The following MIR2052HG variants were observed in gnomAD, a reference collection of about 807,000 sequenced individuals.
MIR2052HG encodes the protein MIR2052 host gene.
chr8:74,753,727 A>G (rs115459619), intron 5 of MIR2052HG, among the ~76,000 whole-genome samples: 1,941 of 152,256 alleles, frequency 0.013, 32 homozygotes, highest in African/African-American at 0.045. Flanking sequence ...TCATTCAATC[A>G]TCTCCCATGC....
intron 4 of MIR2052HG, among the ~76,000 whole-genome samples, chr8:74,727,919 G>T (rs996726107): frequency 1.3e-5 from 2 of 150,676 alleles, no homozygotes; most frequent in African/African-American, 2.5e-5. Flanking sequence ...GTTGTACCCG[G>T]AGTTCATTGT....
intron 2 of MIR2052HG, among the ~76,000 whole-genome samples, chr8:74,637,272 G>C (rs528442470): frequency 1.3e-5 from 2 of 152,254 alleles, no homozygotes; most frequent in African/African-American, 4.8e-5. Flanking sequence ...CTGGGACTTA[G>C]GGTGTACATG....
chr8:74,626,676 A>T (rs1808440773), intron 2 of MIR2052HG, among the ~76,000 whole-genome samples: 1 of 152,200 alleles, frequency 6.6e-6, no homozygotes, highest in South Asian at 2.1e-4. Context: ...CATTGTCAGC[A>T]TCTGCACCCA....
intron 2 of MIR2052HG, among the ~76,000 whole-genome samples, chr8:74,647,636 T>C (rs1377440984): frequency 6.6e-6 from 1 of 152,214 alleles, no homozygotes; most frequent in Non-Finnish European, 1.5e-5. Flanking sequence ...AATTCTAAGT[T>C]AGCAACCTGA....
intron 1 of MIR2052HG, among the ~76,000 whole-genome samples, chr8:74,602,861 CTTTCTTTCTTTCTTT>C (rs1808035866): frequency 6.9e-6 from 1 of 144,396 alleles, no homozygotes; most frequent in African/African-American, 2.6e-5. Context: ...TTCTTTCTTT[CTTTCTTTCTTTCTTT>C]TTTCTATTCA....
At chr8:74,732,417 A>T (rs1809701827) in intron 4 of MIR2052HG, among the ~76,000 whole-genome samples, 1 of 152,196 alleles carries the variant, frequency 6.6e-6, no homozygotes, top group Non-Finnish European at 1.5e-5. Flanking sequence ...GGTAGATATT[A>T]TGCTGAACAT....
intron 2 of MIR2052HG, among the ~76,000 whole-genome samples, chr8:74,691,405 C>A (rs939262953): frequency 1.3e-5 from 2 of 152,176 alleles, no homozygotes; most frequent in Non-Finnish European, 1.5e-5. Flanking sequence ...GCTAGGAAGA[C>A]CTTTCAGAGG....
In MIR2052HG at chr8:74,661,980, A is replaced by G. The variant is rs190561853; in HGVS notation, n.217-40399A>G. Among the ~76,000 whole-genome samples the G allele has an allele frequency of 1.4e-3, 212 of 152,362 alleles. 1 individual carries two copies. Among genetic ancestry groups the G allele is most frequent in the Admixed American group, 2.2e-3 (34 of 15,312 alleles). On this transcript the variant is annotated intron_variant and non_coding_transcript_variant, in intron 2 of 6. Coordinates refer to ENST00000523442, the Ensembl canonical transcript of MIR2052HG. ...GGCAAACATTACCAGTGACAAAAATATAGGTTTATCTATCATAGCACTAAA... is the reference window on the plus strand; with the variant it reads ...GGCAAACATTACCAGTGACAAAAATGTAGGTTTATCTATCATAGCACTAAA...
At chr8:74,748,995 TAATTTTTAA>T (rs917385064) in intron 4 of MIR2052HG, among the ~76,000 whole-genome samples, 10 of 152,322 alleles carry the variant, frequency 6.6e-5, no homozygotes, top group Non-Finnish European at 1.5e-4. Flanking sequence ...CCTGGGAAGA[TAATTTTTAA>T]AACTTTGCAT....
chr8:74,645,388 C>A (rs1287010309), intron 2 of MIR2052HG, among the ~76,000 whole-genome samples: 1 of 151,954 alleles, frequency 6.6e-6, no homozygotes, highest in Non-Finnish European at 1.5e-5. Flanking sequence ...CAGGTTCAAG[C>A]AATTCTCCTG....
chr8:74,703,736 C>T, intron 4 of MIR2052HG: 2 of 425,320 alleles, frequency 4.7e-6, no homozygotes, highest in South Asian at 3.5e-5. Context: ...GGATGAAAGT[C>T]AAGTGATCTC....
chr8:74,661,319 C>T (rs1360010469), intron 2 of MIR2052HG, among the ~76,000 whole-genome samples: 1 of 151,834 alleles, frequency 6.6e-6, no homozygotes, highest in Non-Finnish European at 1.5e-5. Flanking sequence ...TCTCCTGCCT[C>T]AGCCTCCCGA....
chr8:74,704,831 T>C (rs765436516), intron 4 of MIR2052HG, among the ~76,000 whole-genome samples: 2 of 152,118 alleles, frequency 1.3e-5, no homozygotes, highest in Non-Finnish European at 2.9e-5. Context: ...AAAATACATA[T>C]TGGCAACATA....
intron 4 of MIR2052HG, among the ~76,000 whole-genome samples, chr8:74,714,307 A>T (rs1003779398): frequency 6.6e-6 from 1 of 152,172 alleles, no homozygotes; most frequent in African/African-American, 2.4e-5. Context: ...ATCAGAAATT[A>T]TATTTGCCAA....
intron 2 of MIR2052HG, among the ~76,000 whole-genome samples, chr8:74,695,234 A>G (rs1383556608): frequency 6.6e-6 from 1 of 152,190 alleles, no homozygotes; most frequent in Non-Finnish European, 1.5e-5. Context: ...AAGGAAAGAT[A>G]CAATGTTTTT....
At chr8:74,695,689 A>G (rs1027952153) in intron 2 of MIR2052HG, among the ~76,000 whole-genome samples, 8 of 152,172 alleles carry the variant, frequency 5.3e-5, no homozygotes, top group Admixed American at 3.3e-4. Context: ...AAAACTTTAA[A>G]GCAATAACAG....
chr8:74,643,131 CAA>C, intron 2 of MIR2052HG, among the ~76,000 whole-genome samples: 1 of 152,138 alleles, frequency 6.6e-6, no homozygotes, highest in Non-Finnish European at 1.5e-5. Context: ...AGTGCTTGGG[CAA>C]AAAGAATCCA....
intron 1 of MIR2052HG, chr8:74,603,218 A>G (rs1808050578): frequency 8.4e-7 from 1 of 1,192,826 alleles, no homozygotes. Context: ...CTGACTGTTC[A>G]GAAACTACAC....
chr8:74,741,020 C>T (rs1809822396), intron 4 of MIR2052HG, among the ~76,000 whole-genome samples: 1 of 152,194 alleles, frequency 6.6e-6, no homozygotes, highest in Non-Finnish European at 1.5e-5. Flanking sequence ...AGTGGAAATA[C>T]TGAGTTAGGC....
Sources: gnomAD v4.1 joint callset for allele counts (sites outside exome capture counted in the v4.1 genomes callset) on GRCh38, gnomAD v4.1.1 for gene constraint, MANE v1.5 for transcripts, NCBI Gene and HGNC (gene_info 2026-07-23, HGNC 2026-07-21) for gene names.